ARHGEF3: variants seen among roughly 807,000 people sequenced by gnomAD.
The protein encoded by ARHGEF3 is 59.8 kDA protein.
Under a neutral mutation model 63.2 loss-of-function variants are expected in ARHGEF3, and 28 were observed. That is an observed-to-expected ratio of 0.44 (90% confidence interval 0.33 to 0.61). The LOEUF is 0.61. ARHGEF3 is among the 20% of genes least tolerant of loss of function. ARHGEF3 has a pLI of 0.03. For missense variants in ARHGEF3, 533 were observed against 659.3 expected, an observed-to-expected ratio of 0.81 and a Z score of 2.10; for synonymous variants, 266 against 254.2, an observed-to-expected ratio of 1.05 and a Z score of -0.44.
intron 2 of ARHGEF3, among the ~76,000 whole-genome samples, chr3:56,767,429 A>T (rs888365191): frequency 4.0e-5 from 6 of 151,364 alleles, no homozygotes; most frequent in Non-Finnish European, 7.4e-5. Context: ...AAAAAATATT[A>T]AAAAATTAGC....
chr3:56,791,468 A>G (rs921904060), intron 1 of ARHGEF3, among the ~76,000 whole-genome samples: 3 of 152,222 alleles, frequency 2.0e-5, no homozygotes, highest in African/African-American at 7.2e-5. Context: ...AACGAAATAC[A>G]TCACCTATGT....
intron 4 of ARHGEF3, chr3:56,882,195 G>T: frequency 8.3e-7 from 1 of 1,207,926 alleles, no homozygotes; most frequent in Admixed American, 2.4e-5. Context: ...TCAGATCCTG[G>T]AAGCCCACTT....
chr3:56,804,896 T>G (rs995293415), upstream of ARHGEF3, among the ~76,000 whole-genome samples: 2 of 152,164 alleles, frequency 1.3e-5, no homozygotes, highest in African/African-American at 2.4e-5. Flanking sequence ...GGCAGTGACA[T>G]GCGTCACTCA....
intron 2 of ARHGEF3, among the ~76,000 whole-genome samples, chr3:57,013,971 T>C (rs1230907953): frequency 6.6e-6 from 1 of 152,186 alleles, no homozygotes; most frequent in Non-Finnish European, 1.5e-5. Context: ...GTTCCTCTGC[T>C]CTTTGCAATA....
chr3:56,872,765 C>T (rs2040471737), intron 4 of ARHGEF3, among the ~76,000 whole-genome samples: 1 of 152,182 alleles, frequency 6.6e-6, no homozygotes, highest in African/African-American at 2.4e-5. Flanking sequence ...GCCTCAGCCT[C>T]CTAACGTGTT....
rs145178228 is a variant in ARHGEF3 at position 56,882,050 on chromosome 3, A to G, written c.192+242T>C. Among the ~76,000 whole-genome samples, 26 of 152,358 alleles carry G rather than the reference A, an allele frequency of 1.7e-4. No individual in the cohort carries two copies. The East Asian group carries it at 5.0e-3, about 29-fold the overall frequency. ...TCTACCCAGATGCACTGAGTTCATA[A>G]TTCATTTTATGAGAGAAAAGACACA... On this transcript the variant is annotated intron_variant, in intron 4 of 12. Coordinates refer to the ARHGEF3 transcript ENST00000338458.
intron 4 of ARHGEF3, among the ~76,000 whole-genome samples, chr3:56,870,061 T>C (rs1349139324): frequency 1.3e-5 from 2 of 152,178 alleles, no homozygotes; most frequent in African/African-American, 4.8e-5. Flanking sequence ...TTAAATGAAG[T>C]GTACCTTACT....
chr3:56,934,711 G>A (rs1371173106), intron 3 of ARHGEF3, among the ~76,000 whole-genome samples: 1 of 152,204 alleles, frequency 6.6e-6, no homozygotes, highest in South Asian at 2.1e-4. Flanking sequence ...ACGGGGCAGG[G>A]CTTGGGACCT....
At position 56,948,541 on chromosome 3, in the gene ARHGEF3, A is replaced by C. The variant is rs533634568; in HGVS notation, c.129+10282T>G. 2.6e-5 allele frequency among the ~76,000 whole-genome samples: 4 copies of C among 152,348 alleles called. No homozygotes were observed. The East Asian group carries it at 5.8e-4, about 22-fold the overall frequency. On this transcript the variant is annotated intron_variant, in intron 3 of 12. Coordinates refer to the ARHGEF3 transcript ENST00000338458. The stretch of plus-strand genomic sequence containing the variant: ...CTAGAAAATCTAGAAGAAATGGATA[A>C]ATTCCTCGACACATATTCCCTCCCA...
chr3:57,012,372 C>A (rs913769058), intron 2 of ARHGEF3, among the ~76,000 whole-genome samples: 1 of 152,124 alleles, frequency 6.6e-6, no homozygotes, highest in Non-Finnish European at 1.5e-5. Flanking sequence ...GATTCTCTTG[C>A]CTCAGCCTCC....
intron 2 of ARHGEF3, among the ~76,000 whole-genome samples, chr3:56,981,950 G>A (rs1032268628): frequency 2.6e-5 from 4 of 152,216 alleles, no homozygotes; most frequent in Admixed American, 1.3e-4. Context: ...GCCAACCCCA[G>A]GCTCCAGAGA....
At chr3:57,017,028 T>A (rs1055213645) in intron 2 of ARHGEF3, among the ~76,000 whole-genome samples, 12 of 127,414 alleles carry the variant, frequency 9.4e-5, no homozygotes, top group South Asian at 2.7e-4. Context: ...TCTCTCTCTC[T>A]CTCTCACACA....
intron 1 of ARHGEF3, among the ~76,000 whole-genome samples, chr3:57,063,874 T>C (rs1187897815): frequency 1.3e-5 from 2 of 152,180 alleles, no homozygotes; most frequent in African/African-American, 4.8e-5. Context: ...TCATTCACAA[T>C]AGACAAAAGG....
chr3:56,988,431 GCCACCCCA>G (rs1321876246), intron 2 of ARHGEF3, among the ~76,000 whole-genome samples: 1 of 152,160 alleles, frequency 6.6e-6, no homozygotes, highest in Non-Finnish European at 1.5e-5. Context: ...ACAGGCATGA[GCCACCCCA>G]CCTGGCCTAA....
At chr3:57,018,289 A>C (rs1703108358) in intron 2 of ARHGEF3, among the ~76,000 whole-genome samples, 2 of 151,974 alleles carry the variant, frequency 1.3e-5, no homozygotes, top group African/African-American at 2.4e-5. Flanking sequence ...AAAAAAAAAA[A>C]AAAAAAAAAC....
In ARHGEF3 at chr3:56,729,556, T is replaced by C. The variant is rs45465492; in HGVS notation, c.1295A>G (p.Asn432Ser). The change falls in exon 10 of 10, where the codon AAT becomes AGT. Residue 432 changes from asparagine to serine, a missense_variant. By Grantham distance (46) the Asn-to-Ser change is conservative. This residue lies in a region of ARHGEF3 where 151 missense variants were observed against 190.7 expected (regional missense o/e 0.79). Coordinates refer to ENST00000296315, the MANE Select transcript of ARHGEF3 (RefSeq NM_019555.3). ...SQSQTHSLQA[N>S]DTFNKQQWLN... Reference sequence around the variant, plus strand: ...CCACTGCTGTTTGTTGAAAGTGTCATTGGCTTGTAGCGAGTGGGTCTGACT... The same window carrying C: ...CCACTGCTGTTTGTTGAAAGTGTCACTGGCTTGTAGCGAGTGGGTCTGACT... 5,907 of 1,614,110 alleles carry C rather than the reference T, an allele frequency of 3.7e-3. 22 individuals carry two copies. The highest frequency in any genetic ancestry group is 3.9e-3 in the Non-Finnish European group (4,556 of 1,179,962).
chr3:56,795,655 C>CTCTTTTTTTTTTTTTTTTTTTT (rs57400467), intron 1 of ARHGEF3, among the ~76,000 whole-genome samples: 1 of 130,544 alleles, frequency 7.7e-6, no homozygotes, highest in African/African-American at 2.9e-5. Flanking sequence ...GTCTCTCTCT[C>CTCTTTTTTTTTTTTTTTTTTTT]TTTTTTTTTT....
chr3:56,729,238 C>T lies in ARHGEF3; in HGVS notation c.*32G>A, dbSNP rs761921194. ...ATGCAAATACTGTACAGGTAAGATG[C>T]AGGCCTGCTTCCCGAAGTGCACATG... On this transcript the variant is annotated 3_prime_UTR_variant, in exon 10 of 10. Coordinates refer to ENST00000296315, the MANE Select transcript of ARHGEF3 (RefSeq NM_019555.3). 6.4e-7 allele frequency: 1 copy of T among 1,572,898 alleles called. No homozygotes were observed. Among genetic ancestry groups the T allele is most frequent in the Non-Finnish European group, 8.7e-7 (1 of 1,154,642 alleles).
intron 1 of ARHGEF3, among the ~76,000 whole-genome samples, chr3:57,036,508 A>G (rs1319013678): frequency 1.3e-5 from 2 of 152,160 alleles, no homozygotes; most frequent in African/African-American, 4.8e-5. Flanking sequence ...GATGAGTCTG[A>G]GCCATAACTC....
Sources: allele counts gnomAD v4.1 joint callset (sites outside exome capture counted in the v4.1 genomes callset), GRCh38; gene constraint gnomAD v4.1.1; regional missense constraint gnomAD v4.1.1; transcripts MANE v1.5; gene names NCBI Gene and HGNC (gene_info 2026-07-23, HGNC 2026-07-21).